RTTN: variants seen among roughly 807,000 people sequenced by gnomAD.
The protein encoded by RTTN is rotatin.
Under a neutral mutation model 269.2 loss-of-function variants are expected in RTTN, and 182 were observed. The ratio of observed to expected loss-of-function variants is 0.68; its 90% CI spans 0.60 to 0.76. RTTN has a LOEUF of 0.76. Ranked by LOEUF, RTTN falls within the 30% of genes least tolerant of loss-of-function variation. RTTN has a pLI of 0.00. For synonymous variants in RTTN, 1,006 were observed against 963.5 expected, an observed-to-expected ratio of 1.04 and a Z score of -0.82; for missense variants, 2,545 against 2,608.6, an observed-to-expected ratio of 0.98 and a Z score of 0.53.
At chr18:70,196,730 A>C (rs2061819125) in intron 6 of RTTN, 82 bp from the exon 7 acceptor site, 2 of 1,330,734 alleles carry the variant, frequency 1.5e-6, no homozygotes, top group Non-Finnish European at 2.1e-6. Flanking sequence ...TAAGTAAGTA[A>C]GCCTAAGTGA....
At chr18:70,184,716 T>TTTGTGTGTGTGTGTG (rs59000945) in intron 10 of RTTN, among the ~76,000 whole-genome samples, 4 of 33,460 alleles carry the variant, frequency 1.2e-4, no homozygotes, top group Non-Finnish European at 1.6e-4. Context: ...TTTTTTTTTT[T>TTTGTGTGTGTGTGTG]TGTGTGTGTG....
intron 32 of RTTN, among the ~76,000 whole-genome samples, chr18:70,086,123 T>G (rs1213745294): frequency 6.6e-6 from 1 of 152,140 alleles, no homozygotes; most frequent in Non-Finnish European, 1.5e-5. Flanking sequence ...GAAAAAAAGA[T>G]GTTAACATCA....
chr18:70,065,270 T>TAAAAA lies in RTTN; in HGVS notation c.4747+554_4747+558dup, dbSNP rs61422284. Among the ~76,000 whole-genome samples the TAAAAA allele has an allele frequency of 2.3e-4, 31 of 132,914 alleles. 2 individuals are homozygous for TAAAAA. Among genetic ancestry groups the TAAAAA allele is most frequent in the African/African-American group, 5.6e-4 (20 of 35,712 alleles). 87.2% of individuals were successfully genotyped at this position (132,914 alleles called of 152,430 possible). On this transcript the variant is annotated intron_variant, in intron 35 of 48. Transcript: ENST00000640769. ...TAAGGCTTATATACTCTCTAGAATT[T>TAAAAA]AAAAAAAAAAAAAAAAAGCAAAGTT...
chr18:70,149,308 A>C (rs1268216905), intron 16 of RTTN, among the ~76,000 whole-genome samples: 4 of 152,114 alleles, frequency 2.6e-5, no homozygotes, highest in Non-Finnish European at 2.9e-5. Context: ...TAAGATTCTA[A>C]TAGTGGCACC....
chr18:70,196,387 A>G, intron 7 of RTTN, 114 bp downstream of exon 7: 1 of 787,982 alleles, frequency 1.3e-6, no homozygotes, highest in Non-Finnish European at 2.0e-6. Context: ...AGGAGTGGGG[A>G]GTTTATGTTG....
At chr18:70,056,747 C>T (rs569090993) in intron 37 of RTTN, among the ~76,000 whole-genome samples, 2 of 152,202 alleles carry the variant, frequency 1.3e-5, no homozygotes, top group African/African-American at 4.8e-5. Context: ...TTGGGTCCCA[C>T]GACACTGCCT....
intron 10 of RTTN, among the ~76,000 whole-genome samples, chr18:70,184,858 G>A (rs2061508858): frequency 1.3e-5 from 2 of 150,050 alleles, no homozygotes. Context: ...TGGCGCCACT[G>A]CACTCCAGCC....
chr18:70,163,198 A>G (rs1003955673), intron 14 of RTTN, among the ~76,000 whole-genome samples: 1 of 151,634 alleles, frequency 6.6e-6, no homozygotes, highest in African/African-American at 2.4e-5. Context: ...CCTGGCCAAC[A>G]TGGTGAAACC....
At chr18:70,155,295 A>C (rs913432981) in intron 14 of RTTN, among the ~76,000 whole-genome samples, 31 of 152,246 alleles carry the variant, frequency 2.0e-4, no homozygotes, top group African/African-American at 7.5e-4. Flanking sequence ...ATACAAGATC[A>C]CAAGAAAAAG....
At position 70,063,974 on chromosome 18, in the gene RTTN, T is replaced by TG. The variant is rs558632260; in HGVS notation, c.4747+1854_4747+1855insC. On this transcript the variant is annotated intron_variant, in intron 35 of 48. Transcript: ENST00000640769. Reference sequence around the variant, plus strand: ...TTCTTTCTTTTATATGCTTTTTTTTTTTTTTTTGGTCATATATATGTGCTG... The same window carrying TG: ...TTCTTTCTTTTATATGCTTTTTTTTTGTTTTTTTGGTCATATATATGTGCTG... Among the ~76,000 whole-genome samples the TG allele has an allele frequency of 2.1e-4, 31 of 150,610 alleles. 1 individual carries two copies. The South Asian group carries it at 6.5e-3, about 32-fold the overall frequency.
chr18:70,076,504 T>C (rs181043074), intron 32 of RTTN, among the ~76,000 whole-genome samples: 11 of 152,124 alleles, frequency 7.2e-5, no homozygotes, highest in Non-Finnish European at 1.3e-4. Flanking sequence ...AATTCACAAG[T>C]TAAAGGCACG....
At chr18:70,108,396 C>T (rs943558856) in intron 28 of RTTN, among the ~76,000 whole-genome samples, 1 of 152,026 alleles carries the variant, frequency 6.6e-6, no homozygotes, top group African/African-American at 2.4e-5. Context: ...CACACCAATG[C>T]AAATCAGCTA....
At chr18:70,033,567 C>A (rs1599191853) in intron 40 of RTTN, among the ~76,000 whole-genome samples, 1 of 152,076 alleles carries the variant, frequency 6.6e-6, no homozygotes, top group African/African-American at 2.4e-5. Flanking sequence ...TGGGACACAG[C>A]TAAGGCAGTG....
At chr18:70,197,852 A>C in intron 5 of RTTN, 114 bp from the exon 6 acceptor site, 1 of 671,292 alleles carries the variant, frequency 1.5e-6, no homozygotes, top group East Asian at 2.7e-5. Context: ...CTGAGATATC[A>C]CTTCTCCAGA....
At chr18:70,110,693 AACAGCAGCGAG>A (rs1452960868) in intron 27 of RTTN, among the ~76,000 whole-genome samples, 6 of 152,218 alleles carry the variant, frequency 3.9e-5, no homozygotes, top group Non-Finnish European at 8.8e-5. Context: ...TGGCGCCTGG[AACAGCAGCGAG>A]ACAGAAGTGT....
intron 5 of RTTN, among the ~76,000 whole-genome samples, chr18:70,198,441 T>C (rs2061865711): frequency 6.6e-6 from 1 of 152,190 alleles, no homozygotes; most frequent in Admixed American, 6.5e-5. Flanking sequence ...TCGAATATGT[T>C]GTTCCAAGAG....
At chr18:70,173,331 A>AAAAATAC (rs1185364149) in intron 11 of RTTN, among the ~76,000 whole-genome samples, 6 of 152,082 alleles carry the variant, frequency 3.9e-5, no homozygotes, top group African/African-American at 1.2e-4. Flanking sequence ...CATCTCTACT[A>AAAAATAC]AAAATACAAA....
chr18:70,011,965 C>T (rs564248966), intron 46 of RTTN, among the ~76,000 whole-genome samples: 18 of 147,026 alleles, frequency 1.2e-4, no homozygotes, highest in African/African-American at 4.3e-4. Context: ...TACAGGGCAG[C>T]GTCTGCTCAC....
At chr18:70,098,557 T>A (rs187671299) in intron 28 of RTTN, among the ~76,000 whole-genome samples, 27 of 152,326 alleles carry the variant, frequency 1.8e-4, no homozygotes, top group African/African-American at 5.3e-4. Context: ...TTAAAATTCA[T>A]ACATTTCTAA....
Sources: gnomAD v4.1 joint callset for allele counts (sites outside exome capture counted in the v4.1 genomes callset) on GRCh38, gnomAD v4.1.1 for gene constraint, MANE v1.5 for transcripts, NCBI Gene and HGNC (gene_info 2026-07-23, HGNC 2026-07-21) for gene names.